The following GAS2 variants were observed in gnomAD, a reference collection of about 807,000 sequenced individuals.
GAS2 encodes the protein growth arrest-specific protein 2.
A neutral mutation model predicts 37.5 loss-of-function variants in GAS2; 20 were observed. The ratio of observed to expected loss-of-function variants is 0.53; its 90% CI spans 0.37 to 0.77. The LOEUF (loss-of-function observed/expected upper bound fraction) is 0.77. Ranked by LOEUF, GAS2 falls within the 30% of genes least tolerant of loss-of-function variation. The pLI is 0.00. For missense variants in GAS2, 336 were observed against 373.4 expected (o/e 0.90, Z 0.82); for synonymous variants, 144 against 132.2 (o/e 1.09, Z -0.61).
chr11:22,700,611 T>C (rs1308335968), intron 3 of GAS2, among the ~76,000 whole-genome samples: 2 of 152,174 alleles, frequency 1.3e-5, no homozygotes, highest in Non-Finnish European at 2.9e-5. Context: ...TAATTGTAAA[T>C]GTTATTATAT....
intron 1 of GAS2, among the ~76,000 whole-genome samples, chr11:22,652,949 A>G (rs1171998964): frequency 1.6e-5 from 1 of 61,654 alleles, no homozygotes; most frequent in Non-Finnish European, 3.3e-5. Flanking sequence ...CTCCTCCACA[A>G]CCTCTTTCTT....
chr11:22,787,683 T>C (rs762031401), intron 7 of GAS2, among the ~76,000 whole-genome samples: 1 of 152,182 alleles, frequency 6.6e-6, no homozygotes, highest in Non-Finnish European at 1.5e-5. Context: ...CACGTTTGCT[T>C]CTTTAGTTCT....
intron 3 of GAS2, among the ~76,000 whole-genome samples, chr11:22,709,550 A>G (rs1851293693): frequency 6.6e-6 from 1 of 152,192 alleles, no homozygotes; most frequent in East Asian, 1.9e-4. Flanking sequence ...CTTGGTCATT[A>G]TTAGTGCAGT....
rs548711555 is a variant in GAS2 at position 22,781,810 on chromosome 11, G to C, written c.723+25857G>C. Among the ~76,000 whole-genome samples, 3 of 152,256 alleles carry C rather than the reference G, an allele frequency of 2.0e-5. No homozygotes were observed. The East Asian group carries it at 5.8e-4, about 29-fold the overall frequency. Reference sequence around the variant, plus strand: ...AACAAAGCAGTTCCCCTCTAGGACTGTCTAGATCCCTGGGTCTTGTGCTTA... The same window carrying C: ...AACAAAGCAGTTCCCCTCTAGGACTCTCTAGATCCCTGGGTCTTGTGCTTA... On this transcript the variant is annotated intron_variant, in intron 7 of 7. Transcript: ENST00000454584.
chr11:22,779,545 A>C (rs1855443519), intron 7 of GAS2, among the ~76,000 whole-genome samples: 1 of 152,100 alleles, frequency 6.6e-6, no homozygotes, highest in Admixed American at 6.5e-5. Flanking sequence ...TAAAAATATA[A>C]AAATTAGTCA....
intron 7 of GAS2, among the ~76,000 whole-genome samples, 169 bp from the exon 8 acceptor site, chr11:22,811,629 C>G (rs1857170540): frequency 6.6e-6 from 1 of 151,514 alleles, no homozygotes; most frequent in African/African-American, 2.4e-5. Context: ...AGAAAAAAAA[C>G]AGGACTTCTT....
chr11:22,784,689 C>T (rs1035766773), intron 7 of GAS2, among the ~76,000 whole-genome samples: 8 of 152,140 alleles, frequency 5.3e-5, no homozygotes, highest in Admixed American at 3.9e-4. Context: ...ATGACTATGT[C>T]GTTCCTCCAA....
At chr11:22,793,844 G>T (rs576182860) in intron 7 of GAS2, among the ~76,000 whole-genome samples, 3 of 152,232 alleles carry the variant, frequency 2.0e-5, no homozygotes, top group South Asian at 2.1e-4. Flanking sequence ...AAGTGAAATG[G>T]TACAAGAGAG....
At chr11:22,648,295 G>T (rs1203049642) in intron 1 of GAS2, among the ~76,000 whole-genome samples, 2 of 152,026 alleles carry the variant, frequency 1.3e-5, no homozygotes, top group Admixed American at 1.3e-4. Flanking sequence ...CTCTGTTTTG[G>T]TACCAATACC....
intron 1 of GAS2, among the ~76,000 whole-genome samples, chr11:22,652,690 GC>G (rs1489892966): frequency 2.0e-5 from 3 of 152,170 alleles, no homozygotes; most frequent in Non-Finnish European, 2.9e-5. Context: ...TTTTCCAGGT[GC>G]CGTCTGTCAC....
chr11:22,811,099 C>T (rs1490238730), intron 7 of GAS2, among the ~76,000 whole-genome samples: 1 of 152,032 alleles, frequency 6.6e-6, no homozygotes, highest in East Asian at 1.9e-4. Context: ...TTACTAGATA[C>T]AAAGAATCAT....
At chr11:22,761,380 T>G (rs1049375483) in intron 7 of GAS2, among the ~76,000 whole-genome samples, 1 of 152,206 alleles carries the variant, frequency 6.6e-6, no homozygotes, top group African/African-American at 2.4e-5. Flanking sequence ...TACACTTAAC[T>G]AAGCTGCTCT....
intron 1 of GAS2, among the ~76,000 whole-genome samples, chr11:22,635,590 A>G (rs1374413929): frequency 1.3e-5 from 2 of 152,192 alleles, no homozygotes; most frequent in African/African-American, 4.8e-5. Flanking sequence ...CGGCCTGCAG[A>G]CCTGGAGTGC....
At chr11:22,636,641 C>A (rs913109566) in intron 1 of GAS2, among the ~76,000 whole-genome samples, 12 of 151,888 alleles carry the variant, frequency 7.9e-5, no homozygotes, top group African/African-American at 2.9e-4. Flanking sequence ...TCAGAAATAT[C>A]CATATGAATT....
At chr11:22,678,690 A>G (rs1849546213) in intron 2 of GAS2, among the ~76,000 whole-genome samples, 1 of 151,978 alleles carries the variant, frequency 6.6e-6, no homozygotes, top group South Asian at 2.1e-4. Context: ...CTAAATTCAG[A>G]TATTTCTGAT....
At chr11:22,681,307 C>A (rs113999483) in intron 2 of GAS2, among the ~76,000 whole-genome samples, 55,940 of 151,976 alleles carry the variant, frequency 0.37, 11,287 homozygotes, top group African/African-American at 0.55. Context: ...TTTCAGGCAA[C>A]TGAAATCCCA....
chr11:22,687,359 C>A (rs1475386287), intron 3 of GAS2, among the ~76,000 whole-genome samples: 1 of 152,088 alleles, frequency 6.6e-6, no homozygotes, highest in Non-Finnish European at 1.5e-5. Flanking sequence ...AATACTGAGA[C>A]CTCGATCCCA....
At chr11:22,730,891 A>G (rs1234686120) in intron 4 of GAS2, among the ~76,000 whole-genome samples, 1 of 151,782 alleles carries the variant, frequency 6.6e-6, no homozygotes, top group Non-Finnish European at 1.5e-5. Context: ...GTAATTTTTC[A>G]AATGTTCATT....
Position 22,693,063 on chromosome 11 carries a change from T to C in GAS2, c.267+7274T>C, listed in dbSNP as rs373675432. 2.8e-3 allele frequency among the ~76,000 whole-genome samples: 430 copies of C among 152,268 alleles called. 2 individuals are homozygous for C. Among genetic ancestry groups the C allele is most frequent in the African/African-American group, 9.7e-3 (403 of 41,556 alleles). ...GTGTGTATTTTATGAAACCGTCTGGTTTCCCTACTATTCCTGCTTTGCAGT... is the reference window on the plus strand; with the variant it reads ...GTGTGTATTTTATGAAACCGTCTGGCTTCCCTACTATTCCTGCTTTGCAGT... On this transcript the variant is annotated intron_variant, in intron 3 of 7. Coordinates refer to ENST00000454584, the MANE Select transcript of GAS2 (RefSeq NM_001143830.3).
Sources: allele counts gnomAD v4.1 joint callset (sites outside exome capture counted in the v4.1 genomes callset), GRCh38; gene constraint gnomAD v4.1.1; transcripts MANE v1.5; gene names NCBI Gene and HGNC (gene_info 2026-07-23, HGNC 2026-07-21).